The following ME3 variants were observed in gnomAD, a reference collection of about 807,000 sequenced individuals.
ME3 encodes the protein malic enzyme 3.
Under a neutral mutation model 68.9 loss-of-function variants are expected in ME3, and 48 were observed. That is an observed-to-expected ratio of 0.70 (90% CI 0.55 to 0.89). The LOEUF is 0.89. Among genes scored for constraint, ME3 ranks in the 40% least tolerant of loss-of-function variants. The pLI is 0.00. For synonymous variants in ME3, 320 were observed against 318.8 expected (o/e 1.00, Z -0.04); for missense variants, 675 against 797.4 (o/e 0.85, Z 1.85).
chr11:86,615,519 G>A (rs1284347685), intron 2 of ME3, among the ~76,000 whole-genome samples: 2 of 152,158 alleles, frequency 1.3e-5, no homozygotes, highest in Admixed American at 6.5e-5. Context: ...TCTTGATCAA[G>A]GTAGAAATAC....
intron 2 of ME3, among the ~76,000 whole-genome samples, chr11:86,637,521 CA>C (rs1944411663): frequency 1.3e-5 from 2 of 152,050 alleles, no homozygotes; most frequent in African/African-American, 4.8e-5. Context: ...AGGGAGTAGG[CA>C]GCACAAAGAT....
intron 2 of ME3, among the ~76,000 whole-genome samples, chr11:86,617,045 G>GTTTTGT (rs1943008653): frequency 3.6e-5 from 2 of 56,300 alleles, no homozygotes; most frequent in African/African-American, 6.6e-5. Context: ...CAAGATAGTA[G>GTTTTGT]TTTTTTTTTT....
intron 2 of ME3, among the ~76,000 whole-genome samples, chr11:86,652,393 C>T (rs537181335): frequency 3.9e-5 from 6 of 152,348 alleles, no homozygotes; most frequent in African/African-American, 7.2e-5. Flanking sequence ...AACAGCTGAT[C>T]TCTCTGCAGA....
At chr11:86,505,814 G>T (rs531625846) in intron 5 of ME3, among the ~76,000 whole-genome samples, 2 of 152,138 alleles carry the variant, frequency 1.3e-5, no homozygotes, top group Admixed American at 6.6e-5. Context: ...CTACATAGTC[G>T]CTGGGACTGA....
intron 2 of ME3, among the ~76,000 whole-genome samples, chr11:86,599,785 G>A (rs1381921727): frequency 1.6e-4 from 25 of 152,144 alleles, no homozygotes; most frequent in Non-Finnish European, 3.5e-4. Flanking sequence ...GAAGAGAGTG[G>A]GGGCCAATAT....
chr11:86,650,789 G>A (rs577578256), intron 2 of ME3, among the ~76,000 whole-genome samples: 4 of 152,194 alleles, frequency 2.6e-5, no homozygotes, highest in African/African-American at 4.8e-5. Context: ...GCTGCAGCAG[G>A]GTGATGCATC....
intron 7 of ME3, among the ~76,000 whole-genome samples, chr11:86,485,050 C>G (rs1388490483): frequency 6.6e-6 from 1 of 152,204 alleles, no homozygotes; most frequent in Non-Finnish European, 1.5e-5. Flanking sequence ...TCCTTGAACT[C>G]TTTCTGTGAC....
intron 4 of ME3, among the ~76,000 whole-genome samples, chr11:86,522,079 A>G (rs1356111658): frequency 2.0e-5 from 3 of 152,150 alleles, no homozygotes. Flanking sequence ...GCAAAACCCC[A>G]TCTCTACTAA....
intron 4 of ME3, among the ~76,000 whole-genome samples, chr11:86,547,561 C>T (rs953200806): frequency 2.6e-5 from 4 of 152,040 alleles, no homozygotes; most frequent in Non-Finnish European, 5.9e-5. Flanking sequence ...AGTAAACCAC[C>T]ATGGCATGTG....
chr11:86,567,243 AAAGGAAGG>A (rs149764846), intron 2 of ME3, among the ~76,000 whole-genome samples: 34,177 of 144,426 alleles, frequency 0.24, 4,056 homozygotes, highest in East Asian at 0.28. Flanking sequence ...GAAAAGAAAG[AAAGGAAGG>A]AAGGAAGGAA....
At chr11:86,642,174 G>T (rs1444493081) in intron 2 of ME3, among the ~76,000 whole-genome samples, 1 of 152,160 alleles carries the variant, frequency 6.6e-6, no homozygotes, top group African/African-American at 2.4e-5. Flanking sequence ...TAGAGCCAAG[G>T]AAATTCTCAT....
intron 2 of ME3, among the ~76,000 whole-genome samples, chr11:86,623,968 G>A (rs536231409): frequency 2.6e-5 from 4 of 152,242 alleles, no homozygotes; most frequent in Non-Finnish European, 4.4e-5. Flanking sequence ...GACGTACAAC[G>A]TGACCCCTTC....
chr11:86,658,978 G>A (rs754297367), intron 2 of ME3, among the ~76,000 whole-genome samples: 1 of 152,030 alleles, frequency 6.6e-6, no homozygotes, highest in Admixed American at 6.5e-5. Context: ...GATTTTACCA[G>A]TCAAAAAAAA....
downstream of ME3, among the ~76,000 whole-genome samples, chr11:86,439,655 G>A (rs1948921742): frequency 6.6e-6 from 1 of 152,220 alleles, no homozygotes; most frequent in Non-Finnish European, 1.5e-5. Context: ...CAGTGTGGCT[G>A]GAACAAAGGA....
intron 6 of ME3, among the ~76,000 whole-genome samples, chr11:86,491,408 G>T (rs1952004653): frequency 6.6e-6 from 1 of 152,234 alleles, no homozygotes; most frequent in African/African-American, 2.4e-5. Flanking sequence ...TTGTGGCTGG[G>T]AAGGTCCAGA....
chr11:86,621,075 C>T (rs1023249739), intron 2 of ME3, among the ~76,000 whole-genome samples: 12 of 152,296 alleles, frequency 7.9e-5, no homozygotes, highest in African/African-American at 2.6e-4. Context: ...CCAGGCCTCA[C>T]AATAAAGTGT....
intron 5 of ME3, among the ~76,000 whole-genome samples, chr11:86,498,420 C>T (rs1952507083): frequency 1.3e-5 from 2 of 152,156 alleles, no homozygotes; most frequent in South Asian, 4.1e-4. Flanking sequence ...TAAGTCACTT[C>T]ACTCTCCCTC....
intron 4 of ME3, among the ~76,000 whole-genome samples, chr11:86,545,068 A>G (rs1956282981): frequency 6.6e-6 from 1 of 152,360 alleles, no homozygotes; most frequent in South Asian, 2.1e-4. Flanking sequence ...ACCAATGACA[A>G]AAACCACATG....
intron 6 of ME3, 34 bp from the exon 7 acceptor site, chr11:86,487,474 T>A: frequency 1.3e-6 from 2 of 1,508,814 alleles, no homozygotes; most frequent in Non-Finnish European, 9.1e-7. Flanking sequence ...CTGAGCCTAC[T>A]CCCGGTGTTC....
Sources: gnomAD v4.1 joint callset for allele counts (sites outside exome capture counted in the v4.1 genomes callset) on GRCh38, gnomAD v4.1.1 for gene constraint, MANE v1.5 for transcripts, NCBI Gene and HGNC (gene_info 2026-07-23, HGNC 2026-07-21) for gene names.